COG8: variants seen among roughly 807,000 people sequenced by gnomAD.
COG8 encodes component of oligomeric golgi complex 8, also known as conserved oligomeric Golgi complex subunit 8.
COG8 carries 45 observed loss-of-function variants against 46.5 expected under a neutral mutation model. The observed-to-expected ratio is 0.97, with a 90% CI of 0.76 to 1.24. COG8 has a LOEUF of 1.24. Ranked by LOEUF, COG8 falls within the 50% of genes most tolerant of loss-of-function variation. The pLI is 0.00. For synonymous variants in COG8, 407 were observed against 347.8 expected, an observed-to-expected ratio of 1.17 and a Z score of -1.90; for missense variants, 793 against 820.8, an observed-to-expected ratio of 0.97 and a Z score of 0.41.
intron 5 of COG8, 147 bp downstream of exon 5, chr16:69,330,666 C>G (rs1004909612): frequency 1.9e-5 from 26 of 1,398,654 alleles, no homozygotes; most frequent in African/African-American, 1.1e-4. Context: ...GAAGCCGCGA[C>G]TGGATCCCCG....
At position 69,334,786 on chromosome 16, in the gene COG8, A is replaced by G. The variant is rs780312471; in HGVS notation, c.1148T>C (p.Ile383Thr). The G allele has an allele frequency of 1.2e-6, 2 of 1,614,114 alleles. No individual in the cohort carries two copies. Among genetic ancestry groups the G allele is most frequent in the Non-Finnish European group, 1.7e-6 (2 of 1,180,020 alleles). The change falls in exon 3 of 6, where the codon ATT (isoleucine) becomes ACT (threonine). Residue 383 changes from isoleucine (I) to threonine (T), a missense_variant. Physicochemically the swap from Ile to Thr is moderately conservative, Grantham distance 89 (BLOSUM62 -1). Transcript: ENST00000306875. Reference sequence around the variant, plus strand: ...CTGGAATTTCTCCACTGTTTCCTGAATTGCTTTCTGGAAAGTGCTGATGGC... The same window carrying G: ...CTGGAATTTCTCCACTGTTTCCTGAGTTGCTTTCTGGAAAGTGCTGATGGC... Reference protein sequence around the residue: ...RVAISTFQKAIQETVEKFQEE... With the variant: ...RVAISTFQKATQETVEKFQEE...
In COG8 at chr16:69,339,204, G is replaced by C. The variant is rs201286376; in HGVS notation, c.349C>G (p.Arg117Gly). The part of the protein sequence containing the change: ...VEASLGRLLD[R>G]LPSFQQSCRN... ...CAGCTCTGCTGGAAGCTGGGCAAAC[G>C]GTCGAGCAGGCGGCCGAGCGACGCC... The change falls in exon 1 of 6, where the codon CGT (arginine) becomes GGT (glycine). Residue 117 changes from arginine to glycine, a missense_variant. Physicochemically the swap from Arg to Gly is moderately radical, Grantham distance 125. Transcript: ENST00000306875. The C allele has an allele frequency of 5.0e-6, 8 of 1,612,934 alleles. No individual in the cohort carries two copies. The Admixed American group carries it at 8.3e-5, about 17-fold the overall frequency.
rs1400335280 is a variant in COG8, at chr16:69,330,886, C to G, written c.1792G>C (p.Gly598Arg). ...LEPAGPACPE[G>R]GRAETQAEPP... ...TCGGCCTGCGTCTCCGCTCGCCCTC[C>G]CTCCGGGCAGGCTGGGCCCGCGGGC... The change falls in exon 5 of 6, where the codon GGA becomes CGA. Residue 598 changes from glycine to arginine, a missense_variant. By Grantham distance (125) the Gly-to-Arg change is moderately radical. Transcript: ENST00000306875. 2 of 1,548,762 alleles carry G rather than the reference C, an allele frequency of 1.3e-6. No homozygotes were observed. Among genetic ancestry groups the G allele is most frequent in the Non-Finnish European group, 1.7e-6 (2 of 1,146,430 alleles).
At position 69,331,044 on chromosome 16, in the gene COG8, A is replaced by G; in HGVS notation, c.1634T>C (p.Ile545Thr). The change falls in exon 5 of 6, where the codon ATC becomes ACC. Residue 545 changes from isoleucine (I) to threonine (T), a missense_variant. Coordinates refer to ENST00000306875, the MANE Select transcript of COG8 (RefSeq NM_032382.5). ...GGCGAGGGGCTCCTGAATGGCGCCGATGTTCACATGCCCTAGGTTACCGTA... is the reference window on the plus strand; with the variant it reads ...GGCGAGGGGCTCCTGAATGGCGCCGGTGTTCACATGCCCTAGGTTACCGTA... The part of the protein sequence containing the change: ...SKYGNLGHVN[I>T]GAIQEPLAFI... 1 of 1,613,938 alleles carries G rather than the reference A, an allele frequency of 6.2e-7. No individual in the cohort carries two copies. The highest frequency in any genetic ancestry group is 8.5e-7 in the Non-Finnish European group (1 of 1,179,946).
At chr16:69,330,163 C>G (rs756710706) in intron 5 of COG8, 21 of 1,530,948 alleles carry the variant, frequency 1.4e-5, no homozygotes, top group Middle Eastern at 3.9e-4. Context: ...GCTGGCGGGG[C>G]GGGCACTCCC....
intron 2 of COG8, 35 bp from the exon 3 acceptor site, chr16:69,335,383 G>T: frequency 6.6e-7 from 1 of 1,516,252 alleles, no homozygotes; most frequent in Non-Finnish European, 8.9e-7. Context: ...ACTGCGCTGG[G>T]AAGGATGCTC....
chr16:69,334,437 A>T, intron 3 of COG8, 84 bp downstream of exon 3: 1 of 1,197,452 alleles, frequency 8.4e-7, no homozygotes, highest in Non-Finnish European at 1.2e-6. Flanking sequence ...AGACACCGTC[A>T]AATAGACGGG....
intron 3 of COG8, 87 bp downstream of exon 3, chr16:69,334,434 G>A (rs774623181): frequency 4.5e-5 from 53 of 1,181,340 alleles, no homozygotes; most frequent in South Asian, 1.8e-4. Flanking sequence ...AGCAGACACC[G>A]TCAAATAGAC....
intron 4 of COG8, among the ~76,000 whole-genome samples, chr16:69,332,274 C>A (rs779679422): frequency 1.1e-4 from 16 of 151,398 alleles, no homozygotes; most frequent in Non-Finnish European, 1.6e-4. Context: ...TGCTTGAACC[C>A]GGGAGGTGGA....
intron 5 of COG8, chr16:69,330,159 G>A (rs777226176): frequency 1.9e-6 from 3 of 1,539,606 alleles, no homozygotes; most frequent in South Asian, 2.4e-5. Flanking sequence ...GCGCGCTGGC[G>A]GGGCGGGCAC....
At chr16:69,330,641 C>T in intron 5 of COG8, 172 bp downstream of exon 5, 2 of 1,401,674 alleles carry the variant, frequency 1.4e-6, no homozygotes, top group Non-Finnish European at 1.8e-6. Flanking sequence ...GAAGCGCCGT[C>T]GGCCAGCACA....
chr16:69,336,483 C>T, intron 2 of COG8, 22 bp downstream of exon 2: 1 of 1,609,226 alleles, frequency 6.2e-7, no homozygotes, highest in South Asian at 1.1e-5. Context: ...TACTTTGAGT[C>T]CTCTCTGGGC....
intron 5 of COG8, 138 bp downstream of exon 5, chr16:69,330,675 C>CG: frequency 7.2e-7 from 1 of 1,395,440 alleles, no homozygotes; most frequent in Non-Finnish European, 9.3e-7. Flanking sequence ...ACTGGATCCC[C>CG]GCCTTCCTGC....
intron 3 of COG8, 48 bp from the exon 4 acceptor site, chr16:69,332,930 G>A (rs750295982): frequency 3.7e-6 from 6 of 1,601,506 alleles, no homozygotes; most frequent in South Asian, 1.1e-5. Context: ...TATCACCACT[G>A]GGACAGCAGT....
rs2012091959 is a variant in COG8 at position 69,334,738 on chromosome 16, AGCATGTAGGAGTTCATT to A, written c.1179_1195del (p.Glu393AspfsTer12). On this transcript the variant is annotated frameshift_variant, in exon 3 of 6. Transcript: ENST00000306875. LOFTEE classifies it high-confidence loss of function. Reference sequence around the variant, plus strand: ...GCCCAGGATGGCTGGAGCCGAGATGAGCATGTAGGAGTTCATTTCTTCCTGGAATTTCTCCACTGTTT... The same window carrying A: ...GCCCAGGATGGCTGGAGCCGAGATGATCTTCCTGGAATTTCTCCACTGTTT... The A allele has an allele frequency of 6.2e-7, 1 of 1,614,010 alleles. No individual in the cohort carries two copies. Among genetic ancestry groups the A allele is most frequent in the African/African-American group, 1.3e-5 (1 of 74,918 alleles).
At chr16:69,334,451 A>G in intron 3 of COG8, 70 bp downstream of exon 3, 2 of 1,329,480 alleles carry the variant, frequency 1.5e-6, no homozygotes, top group Non-Finnish European at 2.1e-6. Flanking sequence ...AGACGGGTTT[A>G]TTACAAAAAT....
intron 3 of COG8, among the ~76,000 whole-genome samples, chr16:69,333,946 A>T (rs1459096959): frequency 6.6e-6 from 1 of 152,244 alleles, no homozygotes; most frequent in African/African-American, 2.4e-5. Context: ...AAAAGGAGGT[A>T]CCTAAAAGAA....
chr16:69,330,666 C>T, intron 5 of COG8, 147 bp downstream of exon 5: 3 of 1,398,766 alleles, frequency 2.1e-6, no homozygotes, highest in Non-Finnish European at 2.8e-6. Context: ...GAAGCCGCGA[C>T]TGGATCCCCG....
Position 69,326,870 on chromosome 16 carries a change from TG to T in COG8, c.*2335del, listed in dbSNP as rs1342951921. On this transcript the variant is annotated 3_prime_UTR_variant, in exon 6 of 6. Transcript: ENST00000306875. ...AACGTTGACATGTATATGCGTTTTT[TG>T]TGAGTGCTTCCTGCTCAAAGTGGGA... is the stretch of plus-strand genomic sequence containing the variant. 2.0e-5 allele frequency: 3 copies of T among 152,342 alleles called. No individual in the cohort carries two copies. In the East Asian group the frequency reaches 5.8e-4, roughly 29 times the overall value. The allele number at this position is 152,342 out of a possible 1,614,324, so 9.4% of individuals were successfully genotyped here.
Sources: gnomAD v4.1 joint callset for allele counts (sites outside exome capture counted in the v4.1 genomes callset) on GRCh38, gnomAD v4.1.1 for gene constraint, MANE v1.5 for transcripts, NCBI Gene and HGNC (gene_info 2026-07-23, HGNC 2026-07-21) for gene names.